MACF1: variants seen among roughly 807,000 people sequenced by gnomAD.
MACF1 encodes the protein microtubule-actin cross-linking factor 1.
A neutral mutation model predicts 854.8 loss-of-function variants in MACF1; 193 were observed. The observed-to-expected ratio is 0.23, with a 90% confidence interval of 0.20 to 0.25. The LOEUF (loss-of-function observed/expected upper bound fraction) is 0.25, where lower values mean the gene tolerates loss of function less well. Among genes scored for constraint, MACF1 ranks in the 10% least tolerant of loss-of-function variants. The probability of loss-of-function intolerance (pLI) is 1.00; values close to 1 mark genes in which losing one functional copy is unlikely to be tolerated. For synonymous variants in MACF1, 3,185 were observed against 3,226.7 expected (o/e 0.99, Z 0.44); for missense variants, 7,722 against 8,929.1 (o/e 0.86, Z 5.45).
intron 1 of MACF1, among the ~76,000 whole-genome samples, chr1:39,209,006 C>G (rs1208732664): frequency 6.6e-6 from 1 of 151,520 alleles, no homozygotes; most frequent in African/African-American, 2.4e-5. Flanking sequence ...AATCCCAGCA[C>G]TTTGGGAGGC....
intron 2 of MACF1, among the ~76,000 whole-genome samples, chr1:39,090,186 G>A (rs1641769186): frequency 6.6e-6 from 1 of 152,224 alleles, no homozygotes; most frequent in Non-Finnish European, 1.5e-5. Context: ...CTCCTCAGCT[G>A]CCAAACTTCC....
Position 39,459,235 on chromosome 1 carries a change from G to A in MACF1, c.21346G>A (p.Asp7116Asn), listed in dbSNP as rs775753876. Residue 7116 changes from aspartate to asparagine, a missense_variant, in exon 91 of 101, where the codon GAT (aspartate) becomes AAT (asparagine). Coordinates refer to ENST00000564288, the MANE Select transcript of MACF1 (RefSeq NM_001394062.1). ...GCAAAGGAAACTGAATGATGCCTTG[G>A]ATCGGCTGGAGGAGGTAATGCCCTG... ...ERQRKLNDAL[D>N]RLEELKEFAN... 1.1e-5 allele frequency: 17 copies of A among 1,613,466 alleles called. No homozygotes were observed. In the East Asian group the frequency reaches 3.6e-4, roughly 34 times the overall value.
chr1:39,333,910 A>T lies in MACF1; in HGVS notation c.7322A>T (p.Asn2441Ile). The stretch of plus-strand genomic sequence containing the variant: ...GTTGCTGACCAGCCAGAACTTATAA[A>T]TCTGGAGAAAGCTTCCAAAGGTAGA... ...VDVADQPELI[N>I]LEKASKGRDA... is the part of the protein sequence containing the mutation. Residue 2441 changes from asparagine (N) to isoleucine (I), a missense_variant, in exon 37 of 101, where the codon AAT becomes ATT. Transcript: ENST00000564288. 3 of 1,614,216 alleles carry T rather than the reference A, an allele frequency of 1.9e-6. No individual in the cohort carries two copies. Among genetic ancestry groups the T allele is most frequent in the Non-Finnish European group, 2.5e-6 (3 of 1,180,032 alleles).
rs373393732 is a variant in MACF1 at position 39,312,150 on chromosome 1, A to C, written c.3270+1150A>C. Among the ~76,000 whole-genome samples the C allele has an allele frequency of 2.2e-4, 34 of 152,278 alleles. No individual in the cohort carries two copies. The East Asian group carries it at 4.3e-3, about 19-fold the overall frequency. ...GAGATGGGAGAATCGCTTGAACCCA[A>C]GAGTTTGAGGCTTCAGTTAGCTATA... On this transcript the variant is annotated intron_variant, in intron 26 of 100. Transcript: ENST00000564288.
At chr1:39,246,710 A>T (rs1412363060) in intron 2 of MACF1, among the ~76,000 whole-genome samples, 1 of 151,744 alleles carries the variant, frequency 6.6e-6, no homozygotes, top group African/African-American at 2.4e-5. Context: ...GGGTTTCACC[A>T]TATTGGCCAG....
chr1:39,299,809 C>T (rs1009765464), intron 21 of MACF1, among the ~76,000 whole-genome samples: 1 of 152,118 alleles, frequency 6.6e-6, no homozygotes, highest in African/African-American at 2.4e-5. Context: ...CTGGTTTCTA[C>T]CAGTGAGAAA....
chr1:39,112,222 G>T (rs1337896730), intron 2 of MACF1, among the ~76,000 whole-genome samples: 1 of 151,778 alleles, frequency 6.6e-6, no homozygotes, highest in East Asian at 1.9e-4. Flanking sequence ...GAGTAGCTGG[G>T]ATTACAGATA....
At chr1:39,359,095 T>C in intron 46 of MACF1, 46 bp from the exon 47 acceptor site, 1 of 1,610,166 alleles carries the variant, frequency 6.2e-7, no homozygotes, top group Non-Finnish European at 8.5e-7. Flanking sequence ...AGAATCATCT[T>C]TGATTACTTA....
At chr1:39,099,253 T>A (rs1251801298) in intron 2 of MACF1, among the ~76,000 whole-genome samples, 1 of 152,174 alleles carries the variant, frequency 6.6e-6, no homozygotes, top group Non-Finnish European at 1.5e-5. Context: ...CCTCCTGGGT[T>A]CAAGCGATTC....
At chr1:39,173,351 A>AAAAAAAAAAAAAAG (rs1553155692) in intron 2 of MACF1, among the ~76,000 whole-genome samples, 2 of 126,236 alleles carry the variant, frequency 1.6e-5, no homozygotes, top group Non-Finnish European at 3.2e-5. Context: ...AAAAAAAAAA[A>AAAAAAAAAAAAAAG]AAAGAAAGAA....
At position 39,295,968 on chromosome 1, in the gene MACF1, T is replaced by C; in HGVS notation, c.2355+86T>C. On this transcript the variant is annotated intron_variant, in intron 20 of 100. Coordinates refer to ENST00000564288, the MANE Select transcript of MACF1 (RefSeq NM_001394062.1). Reference sequence around the variant, plus strand: ...AAACACATCTGCGTTAGTGTGCTTTTGTTGTATAAACCACCACCTTAAAAT... The same window carrying C: ...AAACACATCTGCGTTAGTGTGCTTTCGTTGTATAAACCACCACCTTAAAAT... The C allele has an allele frequency of 2.5e-6, 3 of 1,191,096 alleles. No individual in the cohort carries two copies. The African/African-American group carries it at 4.6e-5, about 18-fold the overall frequency. 73.8% of individuals were successfully genotyped at this position (1,191,096 alleles called of 1,614,324 possible).
intron 58 of MACF1, among the ~76,000 whole-genome samples, chr1:39,402,185 T>G (rs1642503601): frequency 1.3e-5 from 2 of 152,206 alleles, no homozygotes; most frequent in Admixed American, 1.3e-4. Context: ...GCACTCCACC[T>G]GGGTGACAGA....
intron 6 of MACF1, among the ~76,000 whole-genome samples, chr1:39,281,027 T>G (rs1645533994): frequency 6.6e-6 from 1 of 152,206 alleles, no homozygotes; most frequent in Non-Finnish European, 1.5e-5. Flanking sequence ...GTTAGGTGCT[T>G]TAATGTGTAA....
intron 6 of MACF1, 125 bp downstream of exon 6, chr1:39,258,153 G>A (rs976312502): frequency 1.6e-5 from 13 of 795,170 alleles, no homozygotes; most frequent in Non-Finnish European, 2.8e-5. Context: ...AAGGTGGATG[G>A]GAGTTGGAAA....
chr1:39,442,865 A>G lies in MACF1; in HGVS notation c.19256A>G (p.Gln6419Arg), dbSNP rs375449162. The change falls in exon 78 of 101, where the codon CAG becomes CGG. Residue 6419 changes from glutamine (Q) to arginine (R), a missense_variant. Around this residue, in one of 15 missense-constraint regions of MACF1, gnomAD observed 729 missense variants for 900.5 expected, o/e 0.81. Transcript: ENST00000564288. ...AMNQCWESVL[Q>R]KTEEREQQLQ... ...AACCAATGCTGGGAGTCAGTGTTAC[A>G]GAAAACAGAGGAGAGGGAGCAGCAG... 2.5e-6 allele frequency: 4 copies of G among 1,614,092 alleles called. No individual in the cohort carries two copies. The highest frequency in any genetic ancestry group is 8.5e-7 in the Non-Finnish European group (1 of 1,179,972).
Position 39,428,264 on chromosome 1 carries a change from C to T in MACF1, c.16780C>T (p.His5594Tyr). Residue 5594 changes from histidine to tyrosine, a missense_variant, in exon 63 of 101, where the codon CAC (histidine) becomes TAC (tyrosine). Around this residue, in one of 15 missense-constraint regions of MACF1, gnomAD observed 2,807 missense variants for 3,235.8 expected, o/e 0.87. Coordinates refer to ENST00000564288, the MANE Select transcript of MACF1 (RefSeq NM_001394062.1). ...AAAGGATTTCAAACAGGATGTCCTG[C>T]ACAGGCAGCATGCTGACCACCTGGT... The part of the protein sequence containing the change: ...FVKDFKQDVL[H>Y]RQHADHLALN... 1 of 1,612,210 alleles carries T rather than the reference C, an allele frequency of 6.2e-7. No homozygotes were observed. The highest frequency in any genetic ancestry group is 8.5e-7 in the Non-Finnish European group (1 of 1,179,086).
intron 2 of MACF1, among the ~76,000 whole-genome samples, chr1:39,186,204 C>CTG (rs1557505138): frequency 5.7e-4 from 37 of 64,650 alleles, no homozygotes; most frequent in Non-Finnish European, 1.1e-3. Flanking sequence ...CTCTCTCTCT[C>CTG]TCTCTCTCTC....
At chr1:39,410,742 T>A (rs1642956706) in intron 58 of MACF1, 3 of 1,613,944 alleles carry the variant, frequency 1.9e-6, no homozygotes, top group Non-Finnish European at 1.7e-6. Flanking sequence ...CAGAAGCTGG[T>A]GCTTCAAATC....
chr1:39,102,919 C>G (rs1385392078), intron 2 of MACF1: 1 of 702,100 alleles, frequency 1.4e-6, no homozygotes, highest in South Asian at 1.5e-5. Context: ...TCCCCCCTGG[C>G]AGCCGCTTTG....
Sources: allele counts gnomAD v4.1 joint callset (sites outside exome capture counted in the v4.1 genomes callset), GRCh38; gene constraint gnomAD v4.1.1; regional missense constraint gnomAD v4.1.1; transcripts MANE v1.5; gene names NCBI Gene and HGNC (gene_info 2026-07-23, HGNC 2026-07-21).